The following ERMP1 variants were observed in gnomAD, a reference collection of about 807,000 sequenced individuals.
ERMP1 encodes the protein Felix-ina.
ERMP1 carries 86 observed loss-of-function variants against 92.0 expected under a neutral mutation model. The ratio of observed to expected loss-of-function variants is 0.93; its 90% confidence interval spans 0.79 to 1.12. ERMP1 has a LOEUF of 1.12. ERMP1 is among the 50% of genes most tolerant of loss of function. ERMP1 has a pLI of 0.00. For missense variants in ERMP1, 1,342 were observed against 1,116.3 expected, an observed-to-expected ratio of 1.20 and a Z score of -2.88; for synonymous variants, 530 against 412.8, an observed-to-expected ratio of 1.28 and a Z score of -3.44.
intron 4 of ERMP1, among the ~76,000 whole-genome samples, chr9:5,817,703 T>TA (rs1264017029): frequency 1.3e-5 from 2 of 152,188 alleles, no homozygotes; most frequent in East Asian, 3.9e-4. Context: ...TGGGCATGCG[T>TA]AACGTTCAGA....
At chr9:5,829,427 A>G (rs1829855204) in intron 2 of ERMP1, among the ~76,000 whole-genome samples, 1 of 152,220 alleles carries the variant, frequency 6.6e-6, no homozygotes, top group African/African-American at 2.4e-5. Flanking sequence ...GTATAACTCT[A>G]GACGTTCAAA....
At chr9:5,834,868 C>T (rs1830068189), upstream of ERMP1, among the ~76,000 whole-genome samples, 1 of 151,920 alleles carries the variant, frequency 6.6e-6, no homozygotes, top group South Asian at 2.1e-4. Flanking sequence ...ATTCAAGTTA[C>T]AATCTCACAG....
rs1438797989 is a variant in ERMP1 at position 5,831,027 on chromosome 9, C to A, written c.340G>T (p.Asp114Tyr). The A allele has an allele frequency of 6.2e-7, 1 of 1,601,446 alleles. No individual in the cohort carries two copies. The highest frequency in any genetic ancestry group is 8.5e-7 in the Non-Finnish European group (1 of 1,172,410). Residue 114 changes from aspartate (D) to tyrosine (Y), a missense_variant and splice_region_variant, in exon 2 of 15, where the codon GAT becomes TAT. Asp to Tyr is a radical substitution (Grantham distance 160, BLOSUM62 -3). Transcript: ENST00000339450. ...ATGGAGGTTATGTGTTCAAGATAAT[C>A]CCTGGAAGTAACCAAAAGAATAACA... ...RGEFDALQAR[D>Y]YLEHITSIGP...
intron 6 of ERMP1, among the ~76,000 whole-genome samples, chr9:5,842,060 G>T (rs1830171083): frequency 6.6e-6 from 1 of 152,120 alleles, no homozygotes. Context: ...AGCATATAAA[G>T]GTAGTGCGGA....
intron 4 of ERMP1, among the ~76,000 whole-genome samples, chr9:5,814,624 G>A (rs770757698): frequency 2.0e-5 from 3 of 152,166 alleles, no homozygotes; most frequent in Non-Finnish European, 4.4e-5. Context: ...CAGCTGCTCA[G>A]GAGGCTGAGG....
intron 6 of ERMP1, among the ~76,000 whole-genome samples, chr9:5,852,757 C>G (rs1385790215): frequency 6.6e-6 from 1 of 151,508 alleles, no homozygotes; most frequent in East Asian, 1.9e-4. Context: ...TAAGCTGCCT[C>G]AAACATGCTT....
chr9:5,787,330 T>C (rs759826444), intron 14 of ERMP1, 22 bp from the exon 15 acceptor site: 1 of 1,607,280 alleles, frequency 6.2e-7, no homozygotes, highest in Non-Finnish European at 8.5e-7. Context: ...AATCAATTAG[T>C]TCTCCAGTTC....
intron 4 of ERMP1, among the ~76,000 whole-genome samples, chr9:5,817,019 C>T (rs1225292308): frequency 6.6e-6 from 1 of 151,894 alleles, no homozygotes; most frequent in Non-Finnish European, 1.5e-5. Flanking sequence ...CTGCCTCAGC[C>T]TCCCAAGTAG....
chr9:5,808,560 G>C (rs1390256813), intron 8 of ERMP1, among the ~76,000 whole-genome samples: 1 of 152,168 alleles, frequency 6.6e-6, no homozygotes, highest in Non-Finnish European at 1.5e-5. Context: ...ACTTGTGGAA[G>C]GATGTTGGGT....
intron 2 of ERMP1, among the ~76,000 whole-genome samples, chr9:5,829,626 A>C (rs1345075158): frequency 6.6e-6 from 1 of 152,260 alleles, no homozygotes; most frequent in Non-Finnish European, 1.5e-5. Context: ...TAAGAAGTTA[A>C]GCAATTTGCA....
intron 6 of ERMP1, 64 bp downstream of exon 6, chr9:5,812,061 G>T: frequency 9.8e-7 from 1 of 1,023,190 alleles, no homozygotes. Flanking sequence ...ATATTTACAA[G>T]TTTATGTATC....
chr9:5,792,123 T>C (rs1181291596), intron 13 of ERMP1, among the ~76,000 whole-genome samples: 1 of 152,124 alleles, frequency 6.6e-6, no homozygotes, highest in Non-Finnish European at 1.5e-5. Context: ...AAGGGTTGGA[T>C]GTGGCTATGC....
At chr9:5,828,574 T>C (rs1255048742) in intron 2 of ERMP1, among the ~76,000 whole-genome samples, 1 of 152,198 alleles carries the variant, frequency 6.6e-6, no homozygotes, top group Non-Finnish European at 1.5e-5. Context: ...TCCTTTTCCT[T>C]TGTCACTTCT....
Position 5,832,980 on chromosome 9 carries a change from T to A in ERMP1, c.48A>T (p.Gly16=), listed in dbSNP as rs1157541720. 7.7e-6 allele frequency: 12 copies of A among 1,561,754 alleles called. No individual in the cohort carries two copies. Among genetic ancestry groups the A allele is most frequent in the Admixed American group, 1.8e-5 (1 of 55,980 alleles). Reference sequence around the variant, plus strand: ...CCGCCGCTCCCTCTCGACGCTCTACTCCGACGCGGTGCCGCCTCACAGCAG... The same window carrying A: ...CCGCCGCTCCCTCTCGACGCTCTACACCGACGCGGTGCCGCCTCACAGCAG... ...ESAAVRRHRV[G]VERREGAAAA... is the part of the protein sequence containing the mutation. Residue 16 remains glycine (G), a synonymous_variant, in exon 1 of 15, where the codon GGA becomes GGT. Transcript: ENST00000339450.
chr9:5,803,974 C>T (rs1202101766), intron 10 of ERMP1, among the ~76,000 whole-genome samples: 1 of 152,126 alleles, frequency 6.6e-6, no homozygotes, highest in Non-Finnish European at 1.5e-5. Context: ...TAGAGCTTTA[C>T]TGGCTATAAG....
intron 6 of ERMP1, among the ~76,000 whole-genome samples, chr9:5,843,280 A>AT (rs1009119215): frequency 6.6e-6 from 1 of 152,190 alleles, no homozygotes; most frequent in African/African-American, 2.4e-5. Context: ...CAAATCTGCT[A>AT]TTTTTTCAAG....
rs947531513 is a variant in ERMP1 at position 5,784,705 on chromosome 9, T to C, written c.*2439A>G. ...GACAGCAGGCTGGCTTGTGGCCCCC[T>C]GGGTGGTAACATCTTAAGGAATCCT... On this transcript the variant is annotated 3_prime_UTR_variant, in exon 15 of 15. Transcript: ENST00000339450. 6.7e-6 allele frequency: 1 copy of C among 148,446 alleles called. No individual in the cohort carries two copies. The highest frequency in any genetic ancestry group is 6.6e-5 in the Admixed American group (1 of 15,038). 9.2% of individuals were successfully genotyped at this position (148,446 alleles called of 1,614,324 possible).
At chr9:5,807,914 TC>T (rs1448297373) in intron 8 of ERMP1, among the ~76,000 whole-genome samples, 1 of 152,078 alleles carries the variant, frequency 6.6e-6, no homozygotes, top group Non-Finnish European at 1.5e-5. Context: ...TCCCACACCT[TC>T]CCAAACGAAA....
At chr9:5,800,503 C>G (rs1158272857) in intron 11 of ERMP1, among the ~76,000 whole-genome samples, 1 of 152,062 alleles carries the variant, frequency 6.6e-6, no homozygotes, top group Non-Finnish European at 1.5e-5. Flanking sequence ...TAGTGAAACC[C>G]TGTCTCCACT....
Sources: gnomAD v4.1 joint callset for allele counts (sites outside exome capture counted in the v4.1 genomes callset) on GRCh38, gnomAD v4.1.1 for gene constraint, MANE v1.5 for transcripts, NCBI Gene and HGNC (gene_info 2026-07-23, HGNC 2026-07-21) for gene names.